Variants in USP24 observed in about 807,000 individuals in gnomAD.
USP24 encodes ubiquitin specific peptidase 24, also known as ubiquitin carboxyl-terminal hydrolase 24.
In USP24, 97 loss-of-function variants were observed where a neutral mutation model predicts 361.6. The observed-to-expected ratio is 0.27, with a 90% CI of 0.23 to 0.32. USP24 has a LOEUF of 0.32. USP24 is among the 10% of genes least tolerant of loss of function. The probability of loss-of-function intolerance (pLI) is 1.00; values close to 1 mark genes in which losing one functional copy is unlikely to be tolerated. For synonymous variants in USP24, 1,098 were observed against 1,124.6 expected (o/e 0.98, Z 0.47); for missense variants, 2,353 against 3,165.6 (o/e 0.74, Z 6.16).
intron 38 of USP24, among the ~76,000 whole-genome samples, chr1:55,111,069 T>G (rs991448994): frequency 1.2e-4 from 19 of 152,056 alleles, no homozygotes; most frequent in Non-Finnish European, 2.4e-4. Flanking sequence ...ACATAAGCAG[T>G]TTAGTATGCT....
chr1:55,200,260 T>C (rs756235742), intron 1 of USP24, among the ~76,000 whole-genome samples: 3 of 152,228 alleles, frequency 2.0e-5, no homozygotes, highest in Non-Finnish European at 4.4e-5. Flanking sequence ...CAACATTCCC[T>C]ACTCTGTCAG....
rs1263126933 is a variant in USP24 at position 55,139,026 on chromosome 1, A to G, written c.2751-16T>C. ...TTTAGTAGATCTATAGATTAAAAAA[A>G]AAAAGTATTAAAATGTATTTGAAGT... is the stretch of plus-strand genomic sequence containing the variant. On this transcript the variant is annotated splice_polypyrimidine_tract_variant and intron_variant, in intron 24 of 67. Transcript: ENST00000294383. The G allele has an allele frequency of 5.1e-6, 8 of 1,582,092 alleles. No individual in the cohort carries two copies. Among genetic ancestry groups the G allele is most frequent in the Non-Finnish European group, 6.9e-6 (8 of 1,162,560 alleles).
At chr1:55,099,613 T>C (rs1454184942) in intron 45 of USP24, among the ~76,000 whole-genome samples, 158 bp downstream of exon 45, 2 of 152,306 alleles carry the variant, frequency 1.3e-5, no homozygotes, top group East Asian at 1.9e-4. Flanking sequence ...ATCTGTGTTA[T>C]GTTTTGATGT....
chr1:55,176,474 A>AT (rs1444666845), intron 2 of USP24, 31 bp from the exon 3 acceptor site: 1 of 1,541,602 alleles, frequency 6.5e-7, no homozygotes, highest in Admixed American at 2.0e-5. Flanking sequence ...AATATACTTT[A>AT]TTTAAGTCAG....
At chr1:55,088,382 T>G (rs964061357) in intron 55 of USP24, among the ~76,000 whole-genome samples, 11 of 152,160 alleles carry the variant, frequency 7.2e-5, no homozygotes, top group African/African-American at 2.4e-4. Flanking sequence ...CATATTTGTA[T>G]GCTGGCAGAA....
intron 38 of USP24, among the ~76,000 whole-genome samples, chr1:55,118,789 T>C (rs969161408): frequency 2.6e-5 from 4 of 152,166 alleles, no homozygotes; most frequent in Admixed American, 6.5e-5. Context: ...ATGGCCAACA[T>C]GCACATGATG....
intron 11 of USP24, 59 bp downstream of exon 11, chr1:55,157,193 TAATA>T (rs919905707): frequency 4.2e-5 from 58 of 1,366,974 alleles, no homozygotes; most frequent in Non-Finnish European, 5.8e-5. Flanking sequence ...GTATACTTTT[TAATA>T]CAAAGATATA....
At chr1:55,165,240 G>A (rs1393411498) in intron 7 of USP24, among the ~76,000 whole-genome samples, 1 of 152,100 alleles carries the variant, frequency 6.6e-6, no homozygotes, top group Non-Finnish European at 1.5e-5. Flanking sequence ...ATAGCGCAGT[G>A]TCTTATTCAT....
chr1:55,122,411 C>T (rs1646308516), intron 36 of USP24, among the ~76,000 whole-genome samples: 3 of 152,274 alleles, frequency 2.0e-5, no homozygotes, highest in Admixed American at 6.5e-5. Flanking sequence ...TCAAGTGGTA[C>T]ACAGTGTCCA....
intron 1 of USP24, among the ~76,000 whole-genome samples, chr1:55,208,521 T>C (rs1429946807): frequency 3.3e-5 from 5 of 151,064 alleles, no homozygotes; most frequent in Non-Finnish European, 5.9e-5. Context: ...CCCAGCTACT[T>C]AGGAGGTTGA....
chr1:55,109,770 T>G (rs995284657), intron 39 of USP24, among the ~76,000 whole-genome samples: 1 of 152,154 alleles, frequency 6.6e-6, no homozygotes, highest in Admixed American at 6.5e-5. Context: ...ACAAAAGAAT[T>G]TCTAACCATG....
intron 1 of USP24, among the ~76,000 whole-genome samples, chr1:55,187,184 A>G (rs1644156364): frequency 6.6e-6 from 1 of 152,224 alleles, no homozygotes; most frequent in African/African-American, 2.4e-5. Flanking sequence ...ATAAAAAATC[A>G]CGAGATCATC....
In USP24 at chr1:55,105,101, C is replaced by T. The variant is rs370618149; in HGVS notation, c.4880+1045G>A. ...GTATATGATTTTTACAAAAACACTC[C>T]TTCCTTCTTCATTTATGGAGGAACT... On this transcript the variant is annotated intron_variant, in intron 41 of 67. Coordinates refer to ENST00000294383, the MANE Select transcript of USP24 (RefSeq NM_015306.3). 8.7e-4 allele frequency among the ~76,000 whole-genome samples: 133 copies of T among 152,214 alleles called. 4 individuals carry two copies. The South Asian group carries it at 0.026, about 30-fold the overall frequency.
At chr1:55,153,827 A>C in intron 16 of USP24, 43 bp downstream of exon 16, 2 of 1,501,540 alleles carry the variant, frequency 1.3e-6, no homozygotes, top group Non-Finnish European at 9.0e-7. Context: ...GGAAATTATT[A>C]AACTAGTATA....
At chr1:55,086,076 A>T (rs765037333) in intron 55 of USP24, 38 bp from the exon 56 acceptor site, 1 of 1,588,358 alleles carries the variant, frequency 6.3e-7, no homozygotes, top group Non-Finnish European at 8.6e-7. Flanking sequence ...AAAGCAAGAT[A>T]CATTTCCACA....
chr1:55,128,713 CT>C (rs869191004), intron 32 of USP24, among the ~76,000 whole-genome samples: 3,317 of 124,852 alleles, frequency 0.027, 34 homozygotes, highest in Non-Finnish European at 0.038. Flanking sequence ...GCTTTAATAC[CT>C]TTTTTTTTTT....
chr1:55,140,769 G>A (rs937990868), intron 24 of USP24, among the ~76,000 whole-genome samples: 2 of 152,154 alleles, frequency 1.3e-5, no homozygotes, highest in Middle Eastern at 3.2e-3. Flanking sequence ...CAGAGCACTC[G>A]CCAGTTTTCT....
intron 1 of USP24, among the ~76,000 whole-genome samples, chr1:55,190,851 C>T (rs1238117064): frequency 1.3e-5 from 2 of 152,124 alleles, no homozygotes; most frequent in South Asian, 4.1e-4. Context: ...TAAAGGAAAT[C>T]GTGCTCCAGA....
intron 59 of USP24, among the ~76,000 whole-genome samples, chr1:55,080,520 T>C (rs757365226): frequency 4.5e-4 from 68 of 152,146 alleles, no homozygotes; most frequent in Admixed American, 7.2e-4. Flanking sequence ...TTTGCATCCA[T>C]AGACAGGATG....
Sources: gnomAD v4.1 joint callset for allele counts (sites outside exome capture counted in the v4.1 genomes callset) on GRCh38, gnomAD v4.1.1 for gene constraint, MANE v1.5 for transcripts, NCBI Gene and HGNC (gene_info 2026-07-23, HGNC 2026-07-21) for gene names.